Variants in MTMR2 observed in about 807,000 individuals in gnomAD.
MTMR2 encodes the protein myotubularin related protein 2.
MTMR2 carries 55 observed loss-of-function variants against 86.9 expected under a neutral mutation model. The observed-to-expected ratio is 0.63, with a 90% CI of 0.51 to 0.79. MTMR2 has a LOEUF of 0.79. Ranked by LOEUF, MTMR2 falls within the 30% of genes least tolerant of loss-of-function variation. The probability of loss-of-function intolerance (pLI) is 0.00; values close to 1 mark genes in which losing one functional copy is unlikely to be tolerated. For synonymous variants in MTMR2, 241 were observed against 266.8 expected (o/e 0.90, Z 0.94); for missense variants, 659 against 772.3 (o/e 0.85, Z 1.74).
At chr11:95,885,357 T>A (rs1430650035) in intron 2 of MTMR2, among the ~76,000 whole-genome samples, 1 of 152,090 alleles carries the variant, frequency 6.6e-6, no homozygotes, top group Non-Finnish European at 1.5e-5. Flanking sequence ...CTAGCTATTG[T>A]TTTCCAAAAA....
chr11:95,869,138 A>G (rs1457690630), intron 2 of MTMR2, among the ~76,000 whole-genome samples: 1 of 151,872 alleles, frequency 6.6e-6, no homozygotes, highest in Non-Finnish European at 1.5e-5. Flanking sequence ...TTCACCATTC[A>G]TGTTATTAAC....
chr11:95,857,686 A>T, intron 6 of MTMR2, 51 bp from the exon 7 acceptor site: 3 of 1,215,000 alleles, frequency 2.5e-6, no homozygotes, highest in Non-Finnish European at 3.7e-6. Flanking sequence ...TCACAAAGGT[A>T]ATGAATCAGA....
intron 7 of MTMR2, among the ~76,000 whole-genome samples, chr11:95,853,060 C>T (rs561533768): frequency 7.2e-6 from 1 of 139,014 alleles, no homozygotes. Flanking sequence ...TATATATATA[C>T]ACAGTTCACT....
intron 1 of MTMR2, among the ~76,000 whole-genome samples, chr11:95,898,051 C>G (rs556321934): frequency 6.6e-6 from 1 of 152,088 alleles, no homozygotes; most frequent in Non-Finnish European, 1.5e-5. Flanking sequence ...TGACAGCAAA[C>G]TCCTTTTTCT....
In MTMR2 at chr11:95,865,690, G is replaced by A; in HGVS notation, c.187-14C>T. 1.3e-6 allele frequency: 2 copies of A among 1,586,264 alleles called. No individual in the cohort carries two copies. The highest frequency in any genetic ancestry group is 1.7e-6 in the Non-Finnish European group (2 of 1,157,608). On this transcript the variant is annotated splice_polypyrimidine_tract_variant and intron_variant, in intron 2 of 14. Transcript: ENST00000346299. ...CTCCCTCAGGACCTGGGGTGGGAAAGACAAAAAAAGAAACATTTTTTTATT... is the reference window on the plus strand; with the variant it reads ...CTCCCTCAGGACCTGGGGTGGGAAAAACAAAAAAAGAAACATTTTTTTATT...
chr11:95,854,482 T>A (rs1192615897), intron 7 of MTMR2, among the ~76,000 whole-genome samples: 1 of 152,190 alleles, frequency 6.6e-6, no homozygotes, highest in Non-Finnish European at 1.5e-5. Flanking sequence ...GTTCGTTTCA[T>A]GAGATAAGGT....
At chr11:95,861,852 C>G in intron 5 of MTMR2, 140 bp downstream of exon 5, 2 of 716,268 alleles carry the variant, frequency 2.8e-6, no homozygotes, top group Non-Finnish European at 4.7e-6. Context: ...ATTTTGTTTT[C>G]TTCTATCAAT....
chr11:95,920,092 ACT>A (rs1318619329), intron 1 of MTMR2, among the ~76,000 whole-genome samples: 1 of 152,226 alleles, frequency 6.6e-6, no homozygotes, highest in Non-Finnish European at 1.5e-5. Flanking sequence ...ATAAAGTCAT[ACT>A]TATATCAAGA....
In MTMR2 at chr11:95,834,206, A is replaced by C. The variant is rs1388896986; in HGVS notation, c.*1084T>G. On this transcript the variant is annotated 3_prime_UTR_variant, in exon 15 of 15. Transcript: ENST00000346299. ...AGAATAAAATAGACATCAGAGTCAA[A>C]TGTTTCTACCAGCACCAAACTCTTA... The C allele has an allele frequency of 3.9e-5, 6 of 152,574 alleles. No homozygotes were observed. The highest frequency in any genetic ancestry group is 1.4e-4 in the African/African-American group (6 of 41,448). 9.5% of individuals were successfully genotyped at this position (152,574 alleles called of 1,614,324 possible).
chr11:95,862,281 G>T lies in MTMR2; in HGVS notation c.348C>A (p.Ser116Arg). The T allele has an allele frequency of 6.2e-7, 1 of 1,613,598 alleles. No individual in the cohort carries two copies. The highest frequency in any genetic ancestry group is 8.5e-7 in the Non-Finnish European group (1 of 1,179,666). The change falls in exon 4 of 15, where the codon AGC becomes AGA. Residue 116 changes from serine to arginine, a missense_variant. Ser to Arg is a moderately radical substitution (Grantham distance 110). Around this residue, in one of 3 missense-constraint regions of MTMR2, gnomAD observed 387 missense variants for 526.3 expected, o/e 0.74. Coordinates refer to ENST00000346299, the MANE Select transcript of MTMR2 (RefSeq NM_016156.6). Reference protein sequence around the residue: ...TVTNYRLYFKSMERDPPFVLD... With the variant: ...TVTNYRLYFKRMERDPPFVLD... ...CTAATCTGACTCTTACCCGTTCCAT[G>T]CTTTTGAAATATAACCTATAATTCG...
At chr11:95,911,825 G>A (rs1053302454) in intron 1 of MTMR2, among the ~76,000 whole-genome samples, 1 of 152,086 alleles carries the variant, frequency 6.6e-6, no homozygotes, top group Non-Finnish European at 1.5e-5. Flanking sequence ...ACTTGGACAA[G>A]TATAGAAAAC....
rs1591024911 is a variant in MTMR2, at chr11:95,888,165, AG to A, written c.176del (p.Pro59LeufsTer3). ...SISTSADNFS[P>X]DLRVLRESNK... ...AAAATAGTATACATACCCTCAAATC[AG>A]GAGAAAAGTTGTCGGCAGAAGTTGA... On this transcript the variant is annotated frameshift_variant, in exon 2 of 15. Transcript: ENST00000346299. LOFTEE classifies it high-confidence loss of function. 4 of 1,610,548 alleles carry A rather than the reference AG, an allele frequency of 2.5e-6. No homozygotes were observed. The East Asian group carries it at 8.9e-5, about 36-fold the overall frequency.
chr11:95,880,611 T>C (rs1295332082), intron 2 of MTMR2, among the ~76,000 whole-genome samples: 1 of 152,108 alleles, frequency 6.6e-6, no homozygotes. Flanking sequence ...GTTAATTGTT[T>C]TGATCTGATG....
intron 1 of MTMR2, among the ~76,000 whole-genome samples, chr11:95,904,759 T>C (rs1443114885): frequency 6.6e-6 from 1 of 152,214 alleles, no homozygotes; most frequent in Non-Finnish European, 1.5e-5. Context: ...CTTTATTCCT[T>C]TACTTAATAA....
intron 12 of MTMR2, among the ~76,000 whole-genome samples, chr11:95,840,738 T>C (rs1227016465): frequency 6.6e-6 from 1 of 152,190 alleles, no homozygotes; most frequent in Admixed American, 6.5e-5. Flanking sequence ...TTTTCTTGTA[T>C]TGAAATAAAC....
chr11:95,861,551 A>G (rs1033710801), intron 5 of MTMR2, among the ~76,000 whole-genome samples: 65 of 151,688 alleles, frequency 4.3e-4, no homozygotes, highest in African/African-American at 1.5e-3. Flanking sequence ...AGCCTCCCCA[A>G]TAGCTGAGAT....
intron 13 of MTMR2, 38 bp downstream of exon 13, chr11:95,838,056 T>G: frequency 8.2e-7 from 1 of 1,214,890 alleles, no homozygotes; most frequent in Non-Finnish European, 1.2e-6. Flanking sequence ...AAGTATACAG[T>G]AGAGATAGTA....
chr11:95,922,582 GA>G (rs1306287492), intron 1 of MTMR2, among the ~76,000 whole-genome samples: 1 of 151,754 alleles, frequency 6.6e-6, no homozygotes, highest in Non-Finnish European at 1.5e-5. Flanking sequence ...ACCATTTAGT[GA>G]GCACCTATCA....
At chr11:95,862,514 A>G (rs562090497) in intron 3 of MTMR2, 148 bp from the exon 4 acceptor site, 2 of 696,450 alleles carry the variant, frequency 2.9e-6, no homozygotes, top group Non-Finnish European at 5.0e-6. Flanking sequence ...GAATCCTACA[A>G]CCCAAGCTTC....
Sources: gnomAD v4.1 joint callset for allele counts (sites outside exome capture counted in the v4.1 genomes callset) on GRCh38, gnomAD v4.1.1 for gene constraint, gnomAD v4.1.1 regional missense constraint, MANE v1.5 for transcripts, NCBI Gene and HGNC (gene_info 2026-07-23, HGNC 2026-07-21) for gene names.